Variants in PHGDH observed in about 807,000 individuals in gnomAD.
PHGDH encodes the protein phosphoglycerate dehydrogenase.
PHGDH carries 50 observed loss-of-function variants against 52.6 expected under a neutral mutation model. The observed-to-expected ratio is 0.95, with a 90% CI of 0.76 to 1.20. The LOEUF (loss-of-function observed/expected upper bound fraction) is 1.20, where lower values mean the gene tolerates loss of function less well. Among genes scored for constraint, PHGDH ranks in the 50% most tolerant of loss-of-function variants. PHGDH has a pLI of 0.00. For missense variants in PHGDH, 630 were observed against 684.6 expected, an observed-to-expected ratio of 0.92 and a Z score of 0.89; for synonymous variants, 271 against 280.5, an observed-to-expected ratio of 0.97 and a Z score of 0.34.
chr1:119,727,999 A>G (rs1202530114), intron 5 of PHGDH, among the ~76,000 whole-genome samples: 1 of 152,154 alleles, frequency 6.6e-6, no homozygotes, highest in East Asian at 1.9e-4. Flanking sequence ...GTAGCTGTAC[A>G]TTCTTGTTCA....
intron 3 of PHGDH, among the ~76,000 whole-genome samples, chr1:119,725,207 C>T (rs1279650464): frequency 6.6e-6 from 1 of 152,202 alleles, no homozygotes; most frequent in African/African-American, 2.4e-5. Context: ...TGAGGACCCT[C>T]GCCCACATTA....
intron 5 of PHGDH, chr1:119,727,578 C>T (rs587643377): frequency 1.5e-5 from 3 of 194,288 alleles, no homozygotes; most frequent in South Asian, 2.0e-4. Context: ...CGCCTGTAAT[C>T]CAGCACTTTG....
chr1:119,742,646 C>A (rs1016698449), intron 10 of PHGDH, 161 bp from the exon 11 acceptor site: 4 of 664,000 alleles, frequency 6.0e-6, no homozygotes, highest in Non-Finnish European at 1.1e-5. Flanking sequence ...CCGAAGGGCA[C>A]ACAGCTTGGC....
intron 3 of PHGDH, chr1:119,724,422 T>G: frequency 3.8e-6 from 1 of 262,642 alleles, no homozygotes. Flanking sequence ...CTCTAACTCC[T>G]CCCTGCAGTT....
rs1651980054 is a variant in PHGDH at position 119,737,221 on chromosome 1, T to C, written c.900T>C (p.Ala300=). 2 of 1,614,168 alleles carry C rather than the reference T, an allele frequency of 1.2e-6. No individual in the cohort carries two copies. The highest frequency in any genetic ancestry group is 1.1e-5 in the South Asian group (1 of 91,076). ...EAQSRCGEEI[A]VQFVDMVKGK... Reference sequence around the variant, plus strand: ...AGAGCCGCTGTGGGGAGGAAATTGCTGTTCAGTTCGTGGACATGGTGAAGG... The same window carrying C: ...AGAGCCGCTGTGGGGAGGAAATTGCCGTTCAGTTCGTGGACATGGTGAAGG... Residue 300 remains alanine (A), a synonymous_variant, in exon 8 of 12, where the codon GCT becomes GCC. Transcript: ENST00000641023.
intron 5 of PHGDH, among the ~76,000 whole-genome samples, chr1:119,734,092 G>A (rs772152729): frequency 2.6e-5 from 4 of 152,262 alleles, no homozygotes; most frequent in Middle Eastern, 3.4e-3. Flanking sequence ...CTTCGCTTCT[G>A]CTCACTCTGT....
Position 119,721,293 on chromosome 1 carries a change from G to A in PHGDH, c.262G>A (p.Ala88Thr), listed in dbSNP as rs142988234. Residue 88 changes from alanine to threonine, a missense_variant, in exon 2 of 12, where the codon GCA becomes ACA. Coordinates refer to ENST00000641023, the MANE Select transcript of PHGDH (RefSeq NM_006623.4). ...TGVDNVDLEA[A>T]TRKGILVMNT... ...TGTGGACAATGTGGATCTGGAGGCC[G>A]CAACAAGGAAGGGCATCTTGGTTAT... 30 of 1,613,968 alleles carry A rather than the reference G, an allele frequency of 1.9e-5. No individual in the cohort carries two copies. In the Admixed American group the frequency reaches 2.2e-4, roughly 12 times the overall value.
chr1:119,735,239 A>T (rs147717893), intron 6 of PHGDH, 56 bp from the exon 7 acceptor site: 1 of 1,611,556 alleles, frequency 6.2e-7, no homozygotes, highest in East Asian at 2.2e-5. Context: ...GAAGCCAGGG[A>T]TGAGCGTGGG....
In PHGDH at chr1:119,717,211, A is replaced by G. The variant is rs1441210657; in HGVS notation, c.139-3959A>G. Among the ~76,000 whole-genome samples, 3 of 138,876 alleles carry G rather than the reference A, an allele frequency of 2.2e-5. No individual in the cohort carries two copies. The Admixed American group carries it at 2.3e-4, about 11-fold the overall frequency. The allele number at this position is 138,876 out of a possible 152,430, so 91.1% of individuals were successfully genotyped here. ...CGCGCCATTGCACTCCAGCCTGGGC[A>G]ATAAGAGTGAAACTCTGTCTCAAAA... On this transcript the variant is annotated intron_variant, in intron 1 of 11. Transcript: ENST00000641023.
chr1:119,736,925 C>G (rs1263948759), intron 7 of PHGDH, among the ~76,000 whole-genome samples, 189 bp from the exon 8 acceptor site: 1 of 152,250 alleles, frequency 6.6e-6, no homozygotes. Flanking sequence ...TGTGCTGTGT[C>G]CACTCTGCTG....
chr1:119,718,417 T>C (rs1010368975), intron 1 of PHGDH, among the ~76,000 whole-genome samples: 1 of 152,214 alleles, frequency 6.6e-6, no homozygotes, highest in Non-Finnish European at 1.5e-5. Context: ...TGGTAGCTAT[T>C]GTTACTAGTA....
At chr1:119,726,787 G>A (rs1651440675) in intron 3 of PHGDH, 64 bp from the exon 4 acceptor site, 1 of 1,330,088 alleles carries the variant, frequency 7.5e-7, no homozygotes, top group Non-Finnish European at 1.1e-6. Flanking sequence ...ACCTGATGTT[G>A]CATCTCCTTC....
chr1:119,721,133 A>G (rs771169548), intron 1 of PHGDH, 37 bp from the exon 2 acceptor site: 1 of 1,608,934 alleles, frequency 6.2e-7, no homozygotes, highest in African/African-American at 1.3e-5. Context: ...GTTCTCACAG[A>G]ATGACTTTCT....
intron 8 of PHGDH, chr1:119,739,375 C>T (rs587715382): frequency 6.6e-6 from 1 of 152,324 alleles, no homozygotes; most frequent in South Asian, 2.1e-4. Context: ...GCTAGCTGCT[C>T]CACCCCACCA....
chr1:119,740,471 G>C lies in PHGDH; in HGVS notation c.1031G>C (p.Arg344Pro). 1 of 1,604,316 alleles carries C rather than the reference G, an allele frequency of 6.2e-7. No individual in the cohort carries two copies. Among genetic ancestry groups the C allele is most frequent in the Non-Finnish European group, 8.5e-7 (1 of 1,175,312 alleles). Residue 344 changes from arginine to proline, a missense_variant, in exon 9 of 12, where the codon CGA (arginine) becomes CCA (proline). Arg to Pro is a moderately radical substitution (Grantham distance 103). Coordinates refer to ENST00000641023, the MANE Select transcript of PHGDH (RefSeq NM_006623.4). ...GCAGAAGCTCTGGGGACACTGATGC[G>C]AGCCTGGGCTGGGTCCCCCAAAGGG... ...GLAEALGTLMRAWAGSPKGTI... is the reference protein window; with the variant it reads ...GLAEALGTLMPAWAGSPKGTI...
intron 1 of PHGDH, 144 bp downstream of exon 1, chr1:119,712,304 C>A (rs746910859): frequency 2.7e-5 from 20 of 735,480 alleles, no homozygotes; most frequent in Non-Finnish European, 4.3e-5. Context: ...TAGAGAAGAA[C>A]GGGGGCGGGA....
At chr1:119,741,074 G>A (rs1652184245) in intron 9 of PHGDH, among the ~76,000 whole-genome samples, 1 of 152,220 alleles carries the variant, frequency 6.6e-6, no homozygotes, top group Non-Finnish European at 1.5e-5. Context: ...TGAGAACAGT[G>A]CCCTCTGACC....
At chr1:119,732,145 CT>C (rs1406261781) in intron 5 of PHGDH, among the ~76,000 whole-genome samples, 1 of 152,218 alleles carries the variant, frequency 6.6e-6, no homozygotes, top group African/African-American at 2.4e-5. Context: ...GGTGAGGGTT[CT>C]TCTTCAGAGC....
intron 7 of PHGDH, among the ~76,000 whole-genome samples, chr1:119,735,649 G>A (rs1035342094): frequency 3.3e-5 from 5 of 152,200 alleles, no homozygotes; most frequent in Non-Finnish European, 7.3e-5. Context: ...CAGCTATGTG[G>A]TTTTCTGCAA....
Sources: gnomAD v4.1 joint callset for allele counts (sites outside exome capture counted in the v4.1 genomes callset) on GRCh38, gnomAD v4.1.1 for gene constraint, MANE v1.5 for transcripts, NCBI Gene and HGNC (gene_info 2026-07-23, HGNC 2026-07-21) for gene names.